The following RNF40 variants were observed in gnomAD, a reference collection of about 807,000 sequenced individuals.
RNF40 encodes the protein ring finger protein 40.
In RNF40, 39 loss-of-function variants were observed where a neutral mutation model predicts 123.3. That is an observed-to-expected ratio of 0.32 (90% CI 0.24 to 0.41). The LOEUF is 0.41. Among genes scored for constraint, RNF40 ranks in the 10% least tolerant of loss-of-function variants. RNF40 has a pLI of 1.00. For synonymous variants in RNF40, 538 were observed against 526.0 expected (o/e 1.02, Z -0.31); for missense variants, 1,003 against 1,319.9 (o/e 0.76, Z 3.72).
intron 19 of RNF40, 28 bp from the exon 20 acceptor site, chr16:30,773,910 C>G: frequency 6.3e-7 from 1 of 1,596,166 alleles, no homozygotes; most frequent in Non-Finnish European, 8.6e-7. Context: ...CAGAGTTGTT[C>G]CCAAGCTGAT....
intron 8 of RNF40, 82 bp downstream of exon 8, chr16:30,765,581 A>C (rs1380618451): frequency 7.8e-7 from 1 of 1,286,506 alleles, no homozygotes; most frequent in South Asian, 1.2e-5. Flanking sequence ...CAAAGGACAA[A>C]CATCCATCTC....
rs1453276104 is a variant in RNF40 at position 30,775,414 on chromosome 16, G to C, written c.*1300G>C. 1 of 190,324 alleles carries C rather than the reference G, an allele frequency of 5.3e-6. No homozygotes were observed. Among genetic ancestry groups the C allele is most frequent in the Admixed American group, 5.6e-5 (1 of 17,870 alleles). 11.8% of individuals were successfully genotyped at this position (190,324 alleles called of 1,614,324 possible). A position where few individuals can be genotyped will look rare whatever the true frequency, so the allele number is the denominator to read the frequency against. On this transcript the variant is annotated 3_prime_UTR_variant, in exon 20 of 20. Coordinates refer to ENST00000324685, the MANE Select transcript of RNF40 (RefSeq NM_014771.4). The stretch of plus-strand genomic sequence containing the variant: ...CCACGTCCTTGGCTGTCATGGCCGG[G>C]GGATGCCGGGACTCCTCGGGCTGCA...
upstream of RNF40, chr16:30,762,247 T>C (rs1024548939): frequency 1.5e-4 from 63 of 413,582 alleles, no homozygotes; most frequent in African/African-American, 1.2e-3. Flanking sequence ...CATCCGGGGC[T>C]GCCTTTGGCG....
At position 30,772,202 on chromosome 16, in the gene RNF40, G is replaced by A; in HGVS notation, c.2829+12G>A. 6.5e-7 allele frequency: 1 copy of A among 1,545,772 alleles called. No individual in the cohort carries two copies. The highest frequency in any genetic ancestry group is 1.2e-5 in the South Asian group (1 of 83,944). ...TCAAGGAGTACAAGGTGGGGCTGTG[G>A]GCCAAGTTGTGCCCTATCCACCTGA... On this transcript the variant is annotated intron_variant, in intron 19 of 19. Transcript: ENST00000324685.
At position 30,766,430 on chromosome 16, in the gene RNF40, C is replaced by T. The variant is rs201147023; in HGVS notation, c.1165C>T (p.Arg389Cys). The part of the protein sequence containing the change: ...EEVVRETGEY[R>C]MLQAQFSLLY... ...GGTAGTGCGGGAGACGGGGGAGTAC[C>T]GCATGCTGCAGGCCCAATTCTCACT... The change falls in exon 10 of 20, where the codon CGC becomes TGC. Residue 389 changes from arginine to cysteine, a missense_variant. This residue lies in a region of RNF40 where 274 missense variants were observed against 356.9 expected (regional missense o/e 0.77). Transcript: ENST00000324685. This position sits in a 1 kb window ranked among gnomAD's most constrained non-coding sequence, Gnocchi z 5.4. The T allele has an allele frequency of 1.1e-5, 18 of 1,613,914 alleles. No homozygotes were observed. Among genetic ancestry groups the T allele is most frequent in the East Asian group, 8.9e-5 (4 of 44,870 alleles).
Position 30,766,595 on chromosome 16 carries a change from G to A in RNF40, c.1293+37G>A. The A allele has an allele frequency of 1.3e-6, 2 of 1,588,630 alleles. No homozygotes were observed. The highest frequency in any genetic ancestry group is 1.7e-6 in the Non-Finnish European group (2 of 1,165,102). On this transcript the variant is annotated intron_variant, in intron 10 of 19. Coordinates refer to ENST00000324685, the MANE Select transcript of RNF40 (RefSeq NM_014771.4). The surrounding 1 kb of genome is among the most constrained non-coding windows in gnomAD (Gnocchi z 5.4). ...GAACAGGCGTTAGGGCTGGGCTAAG[G>A]GCCAAACCGTTAGTGTTGACGTGTT...
chr16:30,769,431 G>T (rs758622448), intron 16 of RNF40, 33 bp downstream of exon 16: 2 of 1,614,100 alleles, frequency 1.2e-6, no homozygotes, highest in Middle Eastern at 1.6e-4. Context: ...GACTGGAGCT[G>T]GAGAGGTGGG....
intron 17 of RNF40, among the ~76,000 whole-genome samples, chr16:30,769,998 G>A (rs780483832): frequency 8.6e-5 from 13 of 152,006 alleles, no homozygotes; most frequent in Non-Finnish European, 1.9e-4. Context: ...TCTCGAGCAG[G>A]CTGACAGGTG....
Position 30,762,368 on chromosome 16 carries a change from C to T in RNF40, c.-72+8C>T. 2 of 627,094 alleles carry T rather than the reference C, an allele frequency of 3.2e-6. No individual in the cohort carries two copies. The highest frequency in any genetic ancestry group is 2.5e-5 in the South Asian group (1 of 39,680). 38.8% of individuals were successfully genotyped at this position (627,094 alleles called of 1,614,324 possible). A position where few individuals can be genotyped will look rare whatever the true frequency, so the allele number is the denominator to read the frequency against. On this transcript the variant is annotated splice_region_variant and intron_variant, in intron 1 of 19. Coordinates refer to ENST00000324685, the MANE Select transcript of RNF40 (RefSeq NM_014771.4). ...AGGCTGACCCTCCTGCTGGTGAGGGCTCTGGCGCCGGGGGGGACGGGATCC... is the reference window on the plus strand; with the variant it reads ...AGGCTGACCCTCCTGCTGGTGAGGGTTCTGGCGCCGGGGGGGACGGGATCC...
At position 30,764,481 on chromosome 16, in the gene RNF40, G is replaced by A. The variant is rs1057466383; in HGVS notation, c.649+96G>A. 3.1e-5 allele frequency: 34 copies of A among 1,092,472 alleles called. No individual in the cohort carries two copies. In the East Asian group the frequency reaches 6.2e-4, roughly 20 times the overall value. 67.7% of individuals were successfully genotyped at this position (1,092,472 alleles called of 1,614,324 possible). ...TCCCCTAATGCCCGAGTCCAAGGGC[G>A]GCCAGAATTTCCCAAGGAATAAATC... On this transcript the variant is annotated intron_variant, in intron 5 of 19. Transcript: ENST00000324685.
chr16:30,767,008 CAG>C (rs1263043409), intron 11 of RNF40, 132 bp downstream of exon 11: 26 of 1,210,826 alleles, frequency 2.1e-5, no homozygotes, highest in East Asian at 5.1e-5. Flanking sequence ...CTATGCAAAA[CAG>C]GGCCTGCACT....
At position 30,775,077 on chromosome 16, in the gene RNF40, A is replaced by G. The variant is rs997027225; in HGVS notation, c.*963A>G. 2.2e-6 allele frequency: 1 copy of G among 456,042 alleles called. No individual in the cohort carries two copies. The highest frequency in any genetic ancestry group is 4.4e-6 in the Non-Finnish European group (1 of 226,516). The allele number at this position is 456,042 out of a possible 1,614,324, so 28.2% of individuals were successfully genotyped here. Reference sequence around the variant, plus strand: ...CATCGGCTGTGAGGGCAGTGCCCGGAGAGGCCAGAGGGTTGGAGCTGCAGG... The same window carrying G: ...CATCGGCTGTGAGGGCAGTGCCCGGGGAGGCCAGAGGGTTGGAGCTGCAGG... On this transcript the variant is annotated 3_prime_UTR_variant, in exon 20 of 20. Coordinates refer to ENST00000324685, the MANE Select transcript of RNF40 (RefSeq NM_014771.4).
At position 30,766,709 on chromosome 16, in the gene RNF40, G is replaced by T. The variant is rs961066195; in HGVS notation, c.1294-32G>T. Reference sequence around the variant, plus strand: ...CTGAGTCCTGAGGTGGGACCGAGGGGCTGTGTGGGTCCTTAACACATCAAC... The same window carrying T: ...CTGAGTCCTGAGGTGGGACCGAGGGTCTGTGTGGGTCCTTAACACATCAAC... On this transcript the variant is annotated intron_variant, in intron 10 of 19. Transcript: ENST00000324685. The surrounding 1 kb of genome is among the most constrained non-coding windows in gnomAD (Gnocchi z 5.4). The T allele has an allele frequency of 1.2e-6, 2 of 1,613,070 alleles. No homozygotes were observed. The highest frequency in any genetic ancestry group is 2.7e-5 in the African/African-American group (2 of 74,912).
chr16:30,770,872 C>G (rs2054136357), intron 17 of RNF40, among the ~76,000 whole-genome samples: 1 of 152,080 alleles, frequency 6.6e-6, no homozygotes. Context: ...CCACCTCGCC[C>G]AGCTAATTTT....
chr16:30,767,567 G>A (rs775738574), intron 11 of RNF40: 2 of 230,902 alleles, frequency 8.7e-6, no homozygotes, highest in Admixed American at 5.0e-5. Flanking sequence ...CACTTTCGGA[G>A]GCCAAGGTGG....
At chr16:30,771,023 T>C (rs891994357) in intron 17 of RNF40, among the ~76,000 whole-genome samples, 1 of 152,206 alleles carries the variant, frequency 6.6e-6, no homozygotes, top group African/African-American at 2.4e-5. Context: ...TTAAGCAGCA[T>C]ATTTTACATC....
At chr16:30,769,111 CG>C in intron 15 of RNF40, 74 bp from the exon 16 acceptor site, 1 of 1,593,638 alleles carries the variant, frequency 6.3e-7, no homozygotes, top group Non-Finnish European at 8.6e-7. Flanking sequence ...TGCTTCGCTG[CG>C]TTTTCCCATG....
At chr16:30,761,774 C>A (rs2053826906), upstream of RNF40, 2 of 1,502,018 alleles carry the variant, frequency 1.3e-6, no homozygotes, top group African/African-American at 2.8e-5. Flanking sequence ...TGCCGCGAGG[C>A]GCCCCGGGCT....
At position 30,766,179 on chromosome 16, in the gene RNF40, C is replaced by T. The variant is rs1289556062; in HGVS notation, c.1010C>T (p.Ala337Val). The change falls in exon 9 of 20, where the codon GCA becomes GTA. Residue 337 changes from alanine (A) to valine (V), a missense_variant. By Grantham distance (64) the Ala-to-Val change is moderately conservative. Around this residue, in one of 11 missense-constraint regions of RNF40, gnomAD observed 274 missense variants for 356.9 expected, o/e 0.77. Transcript: ENST00000324685. This position sits in a 1 kb window ranked among gnomAD's most constrained non-coding sequence, Gnocchi z 5.4. The part of the protein sequence containing the change: ...LSMQKFEMLN[A>V]ELEENQELAN... ...ACTCCTTAGTTTGAGATGCTGAATGCAGAGTTAGAGGAAAACCAGGAACTG... is the reference window on the plus strand; with the variant it reads ...ACTCCTTAGTTTGAGATGCTGAATGTAGAGTTAGAGGAAAACCAGGAACTG... The T allele has an allele frequency of 6.2e-7, 1 of 1,614,094 alleles. No individual in the cohort carries two copies. Among genetic ancestry groups the T allele is most frequent in the East Asian group, 2.2e-5 (1 of 44,880 alleles).
Sources: gnomAD v4.1 joint callset for allele counts (sites outside exome capture counted in the v4.1 genomes callset) on GRCh38, gnomAD v4.1.1 for gene constraint, gnomAD v4.1.1 regional missense constraint, Gnocchi (gnomAD v3.1) non-coding constraint, MANE v1.5 for transcripts, NCBI Gene and HGNC (gene_info 2026-07-23, HGNC 2026-07-21) for gene names.